PCDH7: variants seen among roughly 807,000 people sequenced by gnomAD.
PCDH7 encodes the protein protocadherin 7.
In PCDH7, 17 loss-of-function variants were observed where a neutral mutation model predicts 58.9. The observed-to-expected ratio is 0.29, with a 90% confidence interval of 0.20 to 0.43. The LOEUF (loss-of-function observed/expected upper bound fraction) is 0.43, where lower values mean the gene tolerates loss of function less well. PCDH7 is among the 20% of genes least tolerant of loss of function. The pLI is 1.00. For synonymous variants in PCDH7, 664 were observed against 616.4 expected (o/e 1.08, Z -1.14); for missense variants, 1,274 against 1,441.0 (o/e 0.88, Z 1.88).
intron 1 of PCDH7, among the ~76,000 whole-genome samples, chr4:30,755,358 A>T (rs1443246103): frequency 6.6e-6 from 1 of 152,176 alleles, no homozygotes; most frequent in African/African-American, 2.4e-5. Flanking sequence ...TTACAGGGAA[A>T]ACCCTGTTAT....
chr4:31,089,793 G>T (rs1399970026), intron 3 of PCDH7, among the ~76,000 whole-genome samples: 1 of 152,016 alleles, frequency 6.6e-6, no homozygotes, highest in African/African-American at 2.4e-5. Flanking sequence ...ATTATATTCA[G>T]AGAACCATCA....
intron 1 of PCDH7, among the ~76,000 whole-genome samples, chr4:30,726,303 T>C (rs530103097): frequency 2.0e-5 from 3 of 152,054 alleles, no homozygotes; most frequent in Admixed American, 6.5e-5. Context: ...GTCTGCAGAA[T>C]ATTTACACCT....
intron 3 of PCDH7, among the ~76,000 whole-genome samples, chr4:30,983,637 T>C (rs1387731462): frequency 6.6e-6 from 1 of 152,222 alleles, no homozygotes; most frequent in African/African-American, 2.4e-5. Flanking sequence ...AATGTTAACA[T>C]ATTTTTGTTT....
chr4:31,034,918 G>T (rs562314748), intron 3 of PCDH7, among the ~76,000 whole-genome samples: 1 of 152,324 alleles, frequency 6.6e-6, no homozygotes, highest in African/African-American at 2.4e-5. Flanking sequence ...CCTGTTACCT[G>T]CATCCACAGG....
chr4:30,867,517 T>C (rs1397018014), intron 1 of PCDH7, among the ~76,000 whole-genome samples: 1 of 152,096 alleles, frequency 6.6e-6, no homozygotes, highest in African/African-American at 2.4e-5. Flanking sequence ...TTTGCATTCC[T>C]AACCATCATT....
At chr4:30,982,147 T>C (rs1355747066) in intron 3 of PCDH7, among the ~76,000 whole-genome samples, 1 of 152,242 alleles carries the variant, frequency 6.6e-6, no homozygotes, top group Non-Finnish European at 1.5e-5. Context: ...TATGTGTACG[T>C]ATTTCAAAGC....
chr4:31,102,596 C>T (rs115917570), intron 3 of PCDH7, among the ~76,000 whole-genome samples: 2 of 150,142 alleles, frequency 1.3e-5, no homozygotes, highest in Non-Finnish European at 3.0e-5. Context: ...GTGGTGGAAC[C>T]GGGGAGGTGA....
At chr4:31,059,782 T>C (rs1757540118) in intron 3 of PCDH7, among the ~76,000 whole-genome samples, 1 of 151,890 alleles carries the variant, frequency 6.6e-6, no homozygotes, top group Non-Finnish European at 1.5e-5. Flanking sequence ...TATGTAATCT[T>C]ATCTCCATTG....
chr4:30,730,796 T>G (rs755942684), exon 2 of PCDH7: 37 of 1,608,260 alleles, frequency 2.3e-5, no homozygotes, highest in Non-Finnish European at 3.1e-5. Flanking sequence ...TGAATTCCAC[T>G]CTAATATGAT....
At chr4:31,045,012 C>A (rs910387994) in intron 3 of PCDH7, among the ~76,000 whole-genome samples, 2 of 151,894 alleles carry the variant, frequency 1.3e-5, no homozygotes, top group Admixed American at 6.6e-5. Context: ...ATTTATATTT[C>A]TTTTGTGGCC....
intron 3 of PCDH7, among the ~76,000 whole-genome samples, chr4:31,139,482 T>C (rs1055929883): frequency 6.6e-6 from 1 of 152,180 alleles, no homozygotes; most frequent in Non-Finnish European, 1.5e-5. Flanking sequence ...GGCTTTCCTC[T>C]ATAATGCCAC....
chr4:30,822,411 C>A (rs576865212), intron 1 of PCDH7, among the ~76,000 whole-genome samples: 1 of 152,094 alleles, frequency 6.6e-6, no homozygotes, highest in Admixed American at 6.6e-5. Context: ...CATTAAACAG[C>A]GACAGCCTGG....
At chr4:30,738,968 T>C (rs1350213949) in intron 1 of PCDH7, among the ~76,000 whole-genome samples, 1 of 151,898 alleles carries the variant, frequency 6.6e-6, no homozygotes, top group Non-Finnish European at 1.5e-5. Context: ...TCACGATTAT[T>C]ATGTACGCAT....
intron 3 of PCDH7, among the ~76,000 whole-genome samples, chr4:31,056,365 C>G (rs1757165287): frequency 7.2e-6 from 1 of 138,312 alleles, no homozygotes; most frequent in Non-Finnish European, 1.5e-5. Context: ...GAGACCCTGA[C>G]AGGAAAGGAA....
intron 1 of PCDH7, among the ~76,000 whole-genome samples, chr4:30,838,421 G>A (rs987482624): frequency 1.3e-5 from 2 of 151,920 alleles, no homozygotes; most frequent in African/African-American, 4.8e-5. Flanking sequence ...CATTCAGAAG[G>A]GGCTGTAATC....
intron 1 of PCDH7, among the ~76,000 whole-genome samples, chr4:30,771,565 C>T (rs1721403645): frequency 6.6e-6 from 1 of 152,034 alleles, no homozygotes; most frequent in Admixed American, 6.6e-5. Flanking sequence ...CTTTGCTGCT[C>T]ACAGAAAAGA....
At chr4:30,760,305 C>T (rs1181169306) in intron 1 of PCDH7, among the ~76,000 whole-genome samples, 1 of 152,170 alleles carries the variant, frequency 6.6e-6, no homozygotes, top group Non-Finnish European at 1.5e-5. Flanking sequence ...ACTTCCTACC[C>T]ACTATCCCTA....
chr4:30,816,082 C>T (rs1184366315), intron 1 of PCDH7, among the ~76,000 whole-genome samples: 2 of 152,018 alleles, frequency 1.3e-5, no homozygotes, highest in African/African-American at 4.8e-5. Context: ...TATTAATTTC[C>T]ATTATTTTAT....
chr4:30,911,039 T>A (rs1334811813), intron 1 of PCDH7, among the ~76,000 whole-genome samples: 1 of 152,140 alleles, frequency 6.6e-6, no homozygotes, highest in African/African-American at 2.4e-5. Context: ...ACCATCCTTG[T>A]CAGCAAACTA....
Sources: gnomAD v4.1 joint callset for allele counts (sites outside exome capture counted in the v4.1 genomes callset) on GRCh38, gnomAD v4.1.1 for gene constraint, MANE v1.5 for transcripts, NCBI Gene and HGNC (gene_info 2026-07-23, HGNC 2026-07-21) for gene names.